Variants in TMEM178B observed in about 807,000 individuals in gnomAD.
TMEM178B encodes the protein transmembrane protein 178B.
TMEM178B carries 5 observed loss-of-function variants against 31.0 expected under a neutral mutation model. The ratio of observed to expected loss-of-function variants is 0.16; its 90% confidence interval spans 0.08 to 0.34. The LOEUF is 0.34. Ranked by LOEUF, TMEM178B falls within the 10% of genes least tolerant of loss-of-function variation. The pLI, the probability that TMEM178B is intolerant of heterozygous loss-of-function variation, is 1.00. For missense variants in TMEM178B, 275 were observed against 400.3 expected, an observed-to-expected ratio of 0.69 and a Z score of 2.67; for synonymous variants, 164 against 164.0, an observed-to-expected ratio of 1.00 and a Z score of 0.00.
intron 2 of TMEM178B, among the ~76,000 whole-genome samples, chr7:141,226,902 C>A (rs950005857): frequency 1.3e-5 from 2 of 151,228 alleles, no homozygotes; most frequent in East Asian, 3.9e-4. Context: ...TTACTAGTTC[C>A]GTTTTGATCC....
At chr7:141,147,893 A>G (rs1160533381) in intron 1 of TMEM178B, among the ~76,000 whole-genome samples, 4 of 152,240 alleles carry the variant, frequency 2.6e-5, no homozygotes, top group East Asian at 3.8e-4. Context: ...AGGGATGAAG[A>G]TAAAGTTGCC....
At chr7:141,138,963 A>G (rs1411857471) in intron 1 of TMEM178B, among the ~76,000 whole-genome samples, 1 of 152,020 alleles carries the variant, frequency 6.6e-6, no homozygotes, top group Non-Finnish European at 1.5e-5. Flanking sequence ...CAGCCTGGGC[A>G]ACACAGTGAG....
chr7:141,506,584 A>G, the TMEM178B span, among the ~76,000 whole-genome samples: 1 of 152,190 alleles, frequency 6.6e-6, no homozygotes, highest in African/African-American at 2.4e-5. Flanking sequence ...TCCCTCCTAC[A>G]GCACATGGGA....
intron 2 of TMEM178B, among the ~76,000 whole-genome samples, chr7:141,256,957 G>A (rs756611450): frequency 6.6e-6 from 1 of 152,126 alleles, no homozygotes; most frequent in Non-Finnish European, 1.5e-5. Flanking sequence ...TGGAGTTGAG[G>A]GGAACAGGAT....
chr7:141,388,263 G>A (rs370218782), intron 2 of TMEM178B, among the ~76,000 whole-genome samples: 4 of 152,070 alleles, frequency 2.6e-5, no homozygotes, highest in Admixed American at 6.5e-5. Flanking sequence ...GTAAGAACTC[G>A]CCCTGGACCA....
chr7:141,182,738 T>G (rs1364964918), intron 1 of TMEM178B, among the ~76,000 whole-genome samples: 1 of 152,182 alleles, frequency 6.6e-6, no homozygotes, highest in Non-Finnish European at 1.5e-5. Flanking sequence ...ATACTGTTCT[T>G]GTGGTGGTGA....
Position 141,386,286 on chromosome 7 carries a change from G to C in TMEM178B, c.497-51322G>C, listed in dbSNP as rs533492406. On this transcript the variant is annotated intron_variant, in intron 2 of 3. Transcript: ENST00000565468. ...TCCACTGGTGCCATTCTATACAAAG[G>C]GTTGTTTGGGGACCTTGCAGAAACT... 2.0e-5 allele frequency among the ~76,000 whole-genome samples: 3 copies of C among 152,270 alleles called. No individual in the cohort carries two copies. In the South Asian group the frequency reaches 6.2e-4, roughly 32 times the overall value.
rs762133806 is a variant in TMEM178B, at chr7:141,480,303, AAAAT to A, written c.*9524_*9527del. 3.9e-5 allele frequency: 6 copies of A among 152,240 alleles called. No individual in the cohort carries two copies. Among genetic ancestry groups the A allele is most frequent in the African/African-American group, 7.2e-5 (3 of 41,462 alleles). 9.4% of individuals were successfully genotyped at this position (152,240 alleles called of 1,614,324 possible). The stretch of plus-strand genomic sequence containing the variant: ...TTAATTAAATGACTTGTTCATGGAA[AAAAT>A]AAATAATCTGTCAGTTGTGGAATGT... On this transcript the variant is annotated 3_prime_UTR_variant, in exon 4 of 4. Transcript: ENST00000565468.
rs545316451 is a variant in TMEM178B, at chr7:141,373,328, C to A, written c.497-64280C>A. Among the ~76,000 whole-genome samples the A allele has an allele frequency of 1.7e-3, 257 of 152,250 alleles. 2 individuals are homozygous for A. The highest frequency in any genetic ancestry group is 5.8e-3 in the African/African-American group (240 of 41,518). On this transcript the variant is annotated intron_variant, in intron 2 of 3. Coordinates refer to ENST00000565468, the MANE Select transcript of TMEM178B (RefSeq NM_001195278.2). Reference sequence around the variant, plus strand: ...GTGATCCTCGGACCCAAATAAACAACAACAACAGCAAACAACAACAACAAC... The same window carrying A: ...GTGATCCTCGGACCCAAATAAACAAAAACAACAGCAAACAACAACAACAAC...
chr7:141,223,174 G>A (rs956582094), intron 2 of TMEM178B, among the ~76,000 whole-genome samples: 5 of 152,150 alleles, frequency 3.3e-5, no homozygotes, highest in African/African-American at 1.2e-4. Context: ...AAAGGAGGAT[G>A]CTGCAAGAAT....
chr7:141,425,066 C>T (rs1295220435), intron 2 of TMEM178B, among the ~76,000 whole-genome samples: 1 of 152,186 alleles, frequency 6.6e-6, no homozygotes, highest in Non-Finnish European at 1.5e-5. Context: ...AGAAAAATAG[C>T]GCCTACCTTA....
At chr7:141,097,793 C>CTT (rs552569756) in intron 1 of TMEM178B, among the ~76,000 whole-genome samples, 16,392 of 125,690 alleles carry the variant, frequency 0.13, 2,013 homozygotes, top group African/African-American at 0.32. Flanking sequence ...TTCTTTCTTT[C>CTT]TTTTTTTTTT....
the TMEM178B span, among the ~76,000 whole-genome samples, chr7:141,496,562 T>C: frequency 2.2e-5 from 3 of 137,278 alleles, no homozygotes; most frequent in African/African-American, 3.2e-5. Flanking sequence ...CCCAGCTACT[T>C]GGGAGGCTGA....
chr7:141,105,837 G>A (rs1795136031), intron 1 of TMEM178B, among the ~76,000 whole-genome samples: 1 of 152,094 alleles, frequency 6.6e-6, no homozygotes, highest in Non-Finnish European at 1.5e-5. Flanking sequence ...GCTCATGCCT[G>A]TAATCCCAGC....
intron 2 of TMEM178B, among the ~76,000 whole-genome samples, chr7:141,436,001 C>G (rs1651601147): frequency 6.6e-6 from 1 of 152,158 alleles, no homozygotes; most frequent in Admixed American, 6.5e-5. Context: ...TGTGCCCCGT[C>G]TCTCCCCACT....
chr7:141,273,681 T>TA (rs11425030), intron 2 of TMEM178B, among the ~76,000 whole-genome samples: 7,334 of 152,242 alleles, frequency 0.048, 291 homozygotes, highest in East Asian at 0.13. Flanking sequence ...CCCTTGTATT[T>TA]ATTCTCTCAT....
At chr7:141,438,746 C>T (rs899714144) in intron 3 of TMEM178B, among the ~76,000 whole-genome samples, 1 of 120,008 alleles carries the variant, frequency 8.3e-6, no homozygotes, top group Middle Eastern at 5.6e-3. Flanking sequence ...CATGGTAGCG[C>T]GTGCCTGTAG....
At chr7:141,129,332 G>A (rs1352080475) in intron 1 of TMEM178B, among the ~76,000 whole-genome samples, 1 of 152,130 alleles carries the variant, frequency 6.6e-6, no homozygotes, top group Admixed American at 6.5e-5. Context: ...ATTCCCATAG[G>A]TACATCTTTA....
At chr7:141,244,079 T>G (rs906051190) in intron 2 of TMEM178B, among the ~76,000 whole-genome samples, 18 of 152,212 alleles carry the variant, frequency 1.2e-4, no homozygotes, top group Non-Finnish European at 2.4e-4. Flanking sequence ...TTCTCACGAT[T>G]TTTTCAAACC....
Sources: gnomAD v4.1 joint callset for allele counts (sites outside exome capture counted in the v4.1 genomes callset) on GRCh38, gnomAD v4.1.1 for gene constraint, MANE v1.5 for transcripts, NCBI Gene and HGNC (gene_info 2026-07-23, HGNC 2026-07-21) for gene names.